Variants in RBBP8 observed in about 807,000 individuals in gnomAD.
The protein encoded by RBBP8 is DNA endonuclease RBBP8.
A neutral mutation model predicts 108.3 loss-of-function variants in RBBP8; 88 were observed. The observed-to-expected ratio is 0.81, with a 90% CI of 0.68 to 0.97. RBBP8 has a LOEUF of 0.97. RBBP8 is among the 50% of genes least tolerant of loss of function. RBBP8 has a pLI of 0.00. For missense variants in RBBP8, 1,023 were observed against 1,049.0 expected, an observed-to-expected ratio of 0.98 and a Z score of 0.34; for synonymous variants, 332 against 348.2, an observed-to-expected ratio of 0.95 and a Z score of 0.52.
rs935826473 is a variant in RBBP8, at chr18:22,949,893, A to T, written c.248+180A>T. 5.2e-6 allele frequency: 3 copies of T among 573,958 alleles called. No homozygotes were observed. In the African/African-American group the frequency reaches 5.6e-5, roughly 11 times the overall value. The allele number at this position is 573,958 out of a possible 1,614,324, so 35.6% of individuals were successfully genotyped here. ...TTCTTTAAGATTTTCATTAATTCTG[A>T]GATCACATCAGTTTACCCTTTAAAT... On this transcript the variant is annotated intron_variant, in intron 4 of 18. Coordinates refer to ENST00000327155, the MANE Select transcript of RBBP8 (RefSeq NM_002894.3).
At chr18:22,922,172 A>G (rs866855812) in intron 3 of RBBP8, among the ~76,000 whole-genome samples, 1 of 152,338 alleles carries the variant, frequency 6.6e-6, no homozygotes. Flanking sequence ...AGTAAATACC[A>G]TACTTGTTTG....
intron 8 of RBBP8, among the ~76,000 whole-genome samples, chr18:22,986,117 T>C (rs1915310754): frequency 6.6e-6 from 1 of 150,968 alleles, no homozygotes; most frequent in Admixed American, 6.6e-5. Context: ...TGCTCCCCCC[T>C]GCCCCGAACC....
At chr18:22,979,069 A>AC (rs1363792256) in intron 6 of RBBP8, among the ~76,000 whole-genome samples, 2 of 152,118 alleles carry the variant, frequency 1.3e-5, no homozygotes, top group Non-Finnish European at 2.9e-5. Context: ...GGAGTTTGAG[A>AC]CAGCCTGGGC....
intron 2 of RBBP8, among the ~76,000 whole-genome samples, chr18:22,916,029 A>G (rs1909341493): frequency 6.6e-6 from 1 of 152,074 alleles, no homozygotes; most frequent in Admixed American, 6.6e-5. Flanking sequence ...AAATATTGAT[A>G]CATTGCGATA....
intron 14 of RBBP8, among the ~76,000 whole-genome samples, chr18:22,998,189 A>G (rs2045891770): frequency 6.6e-6 from 1 of 152,228 alleles, no homozygotes; most frequent in African/African-American, 2.4e-5. Context: ...GTGGTATAAC[A>G]GTAAGTCTTG....
intron 4 of RBBP8, among the ~76,000 whole-genome samples, chr18:22,955,092 C>T (rs1912395037): frequency 6.6e-6 from 1 of 152,200 alleles, no homozygotes; most frequent in African/African-American, 2.4e-5. Context: ...AGGTTCTTTT[C>T]TCTTTAAGAT....
At chr18:22,961,821 T>C (rs1199860194) in intron 4 of RBBP8, among the ~76,000 whole-genome samples, 1 of 152,182 alleles carries the variant, frequency 6.6e-6, no homozygotes, top group Non-Finnish European at 1.5e-5. Flanking sequence ...CCGGGCCCCG[T>C]CCCTGCAGAT....
chr18:22,932,905 C>T (rs1910126963), upstream of RBBP8, among the ~76,000 whole-genome samples: 1 of 152,226 alleles, frequency 6.6e-6, no homozygotes. Context: ...ACCGCACAAC[C>T]CTGTCAGGTC....
At chr18:23,005,821 T>G (rs2046033111) in intron 15 of RBBP8, among the ~76,000 whole-genome samples, 1 of 152,222 alleles carries the variant, frequency 6.6e-6, no homozygotes, top group African/African-American at 2.4e-5. Context: ...ATAATGACTT[T>G]TAGCTGTCTA....
At position 22,975,070 on chromosome 18, in the gene RBBP8, A is replaced by G. The variant is rs1028758040; in HGVS notation, c.362-83A>G. On this transcript the variant is annotated intron_variant, in intron 5 of 18. Coordinates refer to ENST00000327155, the MANE Select transcript of RBBP8 (RefSeq NM_002894.3). ...ATTAGAAGTACTAATTTCTTCATAC[A>G]TGCTGACATATTTTATTTGAAAGCC... 33 of 1,435,930 alleles carry G rather than the reference A, an allele frequency of 2.3e-5. 1 individual carries two copies. The highest frequency in any genetic ancestry group is 1.4e-5 in the African/African-American group (1 of 69,024). The allele number at this position is 1,435,930 out of a possible 1,614,324, so 88.9% of individuals were successfully genotyped here.
rs1456740573 is a variant in RBBP8 at position 22,937,184 on chromosome 18, A to T, written c.109+224A>T. 2.1e-5 allele frequency: 17 copies of T among 828,942 alleles called. 1 individual carries two copies. The highest frequency in any genetic ancestry group is 1.6e-4 in the South Asian group (9 of 56,352). 51.3% of individuals were successfully genotyped at this position (828,942 alleles called of 1,614,324 possible). A position where few individuals can be genotyped will look rare whatever the true frequency, so the allele number is the denominator to read the frequency against. On this transcript the variant is annotated intron_variant, in intron 2 of 18. Transcript: ENST00000327155. ...CATGGTACCCCATAGGTAGTTTTTC[A>T]ATCCCCACCCTCTTCCCACCCCCCT...
intron 16 of RBBP8, 65 bp from the exon 17 acceptor site, chr18:23,016,763 A>G (rs2046261468): frequency 1.7e-6 from 2 of 1,172,098 alleles, no homozygotes; most frequent in East Asian, 4.7e-5. Flanking sequence ...AAATGAATGA[A>G]TGTTTTGGGG....
At chr18:23,016,671 C>T in intron 16 of RBBP8, 157 bp from the exon 17 acceptor site, 1 of 639,940 alleles carries the variant, frequency 1.6e-6, no homozygotes, top group South Asian at 1.8e-5. Context: ...CATAAAAATA[C>T]TTGGTGTATA....
intron 17 of RBBP8, among the ~76,000 whole-genome samples, chr18:23,021,813 C>T (rs1231044520): frequency 6.8e-6 from 1 of 147,410 alleles, no homozygotes; most frequent in African/African-American, 2.6e-5. Context: ...CTGTCAAGAT[C>T]AGCTGGCTTT....
chr18:23,003,134 A>G (rs1293754427), intron 15 of RBBP8, among the ~76,000 whole-genome samples: 1 of 151,974 alleles, frequency 6.6e-6, no homozygotes, highest in Non-Finnish European at 1.5e-5. Flanking sequence ...CTTCCTCACA[A>G]CTTTTCTCTC....
At chr18:22,938,276 C>T (rs967993617) in intron 2 of RBBP8, among the ~76,000 whole-genome samples, 1 of 152,062 alleles carries the variant, frequency 6.6e-6, no homozygotes, top group African/African-American at 2.4e-5. Flanking sequence ...GGACTACAGG[C>T]GCACGCACCA....
intron 10 of RBBP8, among the ~76,000 whole-genome samples, chr18:22,991,537 C>T (rs554662957): frequency 1.5e-3 from 224 of 152,264 alleles, no homozygotes; most frequent in Middle Eastern, 3.4e-3. Flanking sequence ...TGCTCAAGTC[C>T]GTTACATAAA....
intron 1 of RBBP8, among the ~76,000 whole-genome samples, chr18:22,935,884 GT>G (rs1463486174): frequency 6.6e-6 from 1 of 152,128 alleles, no homozygotes; most frequent in African/African-American, 2.4e-5. Context: ...ACTCTAAGAT[GT>G]TTCTGTATTC....
At chr18:22,917,998 A>C (rs1428285470) in intron 3 of RBBP8, among the ~76,000 whole-genome samples, 1 of 18,116 alleles carries the variant, frequency 5.5e-5, no homozygotes, top group African/African-American at 9.8e-5. Context: ...ACTCCGTCTC[A>C]AAAAAAAAAA....
Sources: allele counts gnomAD v4.1 joint callset (sites outside exome capture counted in the v4.1 genomes callset), GRCh38; gene constraint gnomAD v4.1.1; transcripts MANE v1.5; gene names NCBI Gene and HGNC (gene_info 2026-07-23, HGNC 2026-07-21).